The following NFIL3 variants were observed in gnomAD, a reference collection of about 807,000 sequenced individuals.
NFIL3 encodes the protein nuclear factor, interleukin 3 regulated, also known as nuclear factor interleukin-3-regulated protein.
NFIL3 carries 5 observed loss-of-function variants against 10.0 expected under a neutral mutation model. The ratio of observed to expected loss-of-function variants is 0.50; its 90% CI spans 0.26 to 1.06. The LOEUF (loss-of-function observed/expected upper bound fraction) is 1.06. Among genes scored for constraint, NFIL3 ranks in the 50% least tolerant of loss-of-function variants. The probability of loss-of-function intolerance (pLI) is 0.13; values close to 1 mark genes in which losing one functional copy is unlikely to be tolerated. For synonymous variants in NFIL3, 202 were observed against 206.5 expected, an observed-to-expected ratio of 0.98 and a Z score of 0.19; for missense variants, 436 against 547.6, an observed-to-expected ratio of 0.80 and a Z score of 2.03.
chr9:91,418,627 T>C (rs1023018662), intron 1 of NFIL3, among the ~76,000 whole-genome samples: 1 of 152,218 alleles, frequency 6.6e-6, no homozygotes, highest in Non-Finnish European at 1.5e-5. Context: ...TAGTGTTTAT[T>C]TGAAGGCCAG....
the NFIL3 span, among the ~76,000 whole-genome samples, chr9:91,441,023 G>A: frequency 1.3e-5 from 2 of 152,044 alleles, no homozygotes; most frequent in African/African-American, 4.8e-5. Context: ...AGGGCTGTAT[G>A]GTCTAAAGTG....
chr9:91,475,118 T>C, the NFIL3 span, among the ~76,000 whole-genome samples: 2 of 152,234 alleles, frequency 1.3e-5, no homozygotes, highest in African/African-American at 2.4e-5. Context: ...TCTCATTTTC[T>C]TGAGCATTCA....
intron 1 of NFIL3, among the ~76,000 whole-genome samples, chr9:91,412,992 G>A (rs996546413): frequency 2.0e-5 from 3 of 152,068 alleles, no homozygotes; most frequent in African/African-American, 4.8e-5. Context: ...GTCTTTTCCA[G>A]GGAATGAAAG....
the NFIL3 span, among the ~76,000 whole-genome samples, chr9:91,458,764 G>A: frequency 6.6e-6 from 1 of 151,976 alleles, no homozygotes; most frequent in African/African-American, 2.4e-5. Context: ...TTGCTTATTT[G>A]GGAGTCCAAG....
At chr9:91,451,537 A>G in the NFIL3 span, among the ~76,000 whole-genome samples, 1 of 152,182 alleles carries the variant, frequency 6.6e-6, no homozygotes, top group Non-Finnish European at 1.5e-5. Context: ...TCTCTTCATG[A>G]TCTTGCTGAG....
At chr9:91,462,021 A>T in the NFIL3 span, among the ~76,000 whole-genome samples, 5 of 152,162 alleles carry the variant, frequency 3.3e-5, 1 homozygote, top group African/African-American at 1.2e-4. Context: ...AGGTTATTCA[A>T]TGGGTACTTA....
chr9:91,457,423 A>T, the NFIL3 span, among the ~76,000 whole-genome samples: 1 of 151,974 alleles, frequency 6.6e-6, no homozygotes, highest in African/African-American at 2.4e-5. Flanking sequence ...TCTCTCAGCA[A>T]TATCTTATAG....
At chr9:91,439,016 CA>C in the NFIL3 span, among the ~76,000 whole-genome samples, 1 of 152,020 alleles carries the variant, frequency 6.6e-6, no homozygotes, top group Admixed American at 6.5e-5. Flanking sequence ...TTTGTCGTTC[CA>C]TATGAATTTC....
At chr9:91,445,823 G>A in the NFIL3 span, among the ~76,000 whole-genome samples, 5 of 152,200 alleles carry the variant, frequency 3.3e-5, no homozygotes, top group South Asian at 2.1e-4. Flanking sequence ...GACTGAAATC[G>A]GGGGGATGGA....
At chr9:91,424,767 G>A (rs369530797), upstream of NFIL3, among the ~76,000 whole-genome samples, 1 of 152,234 alleles carries the variant, frequency 6.6e-6, no homozygotes, top group Non-Finnish European at 1.5e-5. Flanking sequence ...GCCCCCGCTG[G>A]GACGCCCACT....
At chr9:91,483,367 C>T in the NFIL3 span, among the ~76,000 whole-genome samples, 1 of 152,184 alleles carries the variant, frequency 6.6e-6, no homozygotes, top group South Asian at 2.1e-4. Context: ...ATCAGAAAGC[C>T]TGGAGAGGAC....
At chr9:91,462,695 A>T in the NFIL3 span, among the ~76,000 whole-genome samples, 4 of 151,916 alleles carry the variant, frequency 2.6e-5, no homozygotes, top group Middle Eastern at 3.4e-3. Flanking sequence ...GTATTAAGAT[A>T]ATGCTGGCCT....
rs762664691 is a variant in NFIL3, at chr9:91,410,069, C to T, written c.666G>A (p.Pro222=). The part of the protein sequence containing the change: ...ENKFQIIKQE[P]MELESYTREP... ...CCCTTGTGTAGCTCTCTAATTCCAT[C>T]GGCTCTTGCTTGATAATCTGGAACT... Residue 222 remains proline (P), a synonymous_variant, in exon 2 of 2, where the codon CCG becomes CCA. Coordinates refer to ENST00000297689, the MANE Select transcript of NFIL3 (RefSeq NM_005384.3). The surrounding 1 kb of genome is among the most constrained non-coding windows in gnomAD (Gnocchi z 5.7). 43 of 1,613,128 alleles carry T rather than the reference C, an allele frequency of 2.7e-5. No homozygotes were observed. In the Admixed American group the frequency reaches 4.7e-4, roughly 18 times the overall value.
the NFIL3 span, among the ~76,000 whole-genome samples, chr9:91,465,241 A>C: frequency 6.6e-5 from 10 of 152,000 alleles, no homozygotes; most frequent in Non-Finnish European, 1.3e-4. Context: ...GCCCATTTTG[A>C]TATTGTCCCA....
intron 1 of NFIL3, among the ~76,000 whole-genome samples, chr9:91,423,137 T>G (rs1195082327): frequency 6.6e-6 from 1 of 152,168 alleles, no homozygotes; most frequent in Non-Finnish European, 1.5e-5. Context: ...CCGAATGCCG[T>G]CACCGTTCAC....
In NFIL3 at chr9:91,410,637, G is replaced by T. The variant is rs780645794; in HGVS notation, c.98C>A (p.Thr33Lys). ...DKMMVLNSAL[T>K]EVSEDSTTGE... Reference sequence around the variant, plus strand: ...TGTTGTGGAGTCTTCTGACACTTCCGTTAAAGCAGAATTAAGGACCATCAT... The same window carrying T: ...TGTTGTGGAGTCTTCTGACACTTCCTTTAAAGCAGAATTAAGGACCATCAT... The change falls in exon 2 of 2, where the codon ACG becomes AAG. Residue 33 changes from threonine (T) to lysine (K), a missense_variant. This residue lies in a region of NFIL3 where 76 missense variants were observed against 73.0 expected (regional missense o/e 1.04). Transcript: ENST00000297689. The surrounding 1 kb of genome is among the most constrained non-coding windows in gnomAD (Gnocchi z 5.7). The T allele has an allele frequency of 6.2e-7, 1 of 1,614,052 alleles. No individual in the cohort carries two copies. The highest frequency in any genetic ancestry group is 1.3e-5 in the African/African-American group (1 of 74,920).
the NFIL3 span, among the ~76,000 whole-genome samples, chr9:91,471,672 G>A: frequency 2.0e-5 from 3 of 152,036 alleles, no homozygotes; most frequent in South Asian, 4.2e-4. Flanking sequence ...CCAAGTCTGT[G>A]TCTTTTAATT....
At chr9:91,438,372 A>G in the NFIL3 span, among the ~76,000 whole-genome samples, 1 of 152,134 alleles carries the variant, frequency 6.6e-6, no homozygotes, top group Non-Finnish European at 1.5e-5. Context: ...TTTTTCTGCT[A>G]TTGAATTGTA....
At chr9:91,470,326 T>C in the NFIL3 span, among the ~76,000 whole-genome samples, 1 of 150,702 alleles carries the variant, frequency 6.6e-6, no homozygotes. Flanking sequence ...CATAGAGGTG[T>C]TTATAGTATT....
Sources: gnomAD v4.1 joint callset for allele counts (sites outside exome capture counted in the v4.1 genomes callset) on GRCh38, gnomAD v4.1.1 for gene constraint, gnomAD v4.1.1 regional missense constraint, Gnocchi (gnomAD v3.1) non-coding constraint, MANE v1.5 for transcripts, NCBI Gene and HGNC (gene_info 2026-07-23, HGNC 2026-07-21) for gene names.